Variants in UBE3D observed in about 807,000 individuals in gnomAD.
The protein encoded by UBE3D is ubiquitin protein ligase E3D.
Under a neutral mutation model 49.6 loss-of-function variants are expected in UBE3D, and 48 were observed. The ratio of observed to expected loss-of-function variants is 0.97; its 90% CI spans 0.77 to 1.23. The LOEUF is 1.23. UBE3D is among the 50% of genes most tolerant of loss of function. The pLI, the probability that UBE3D is intolerant of heterozygous loss-of-function variation, is 0.00. For synonymous variants in UBE3D, 189 were observed against 174.2 expected, an observed-to-expected ratio of 1.08 and a Z score of -0.67; for missense variants, 452 against 468.4, an observed-to-expected ratio of 0.96 and a Z score of 0.32.
At chr6:83,019,255 A>T in intron 7 of UBE3D, 119 bp from the exon 8 acceptor site, 2 of 956,546 alleles carry the variant, frequency 2.1e-6, no homozygotes, top group Non-Finnish European at 1.4e-6. Context: ...TATGAGAATC[A>T]TGTACATAAT....
intron 9 of UBE3D, 124 bp downstream of exon 9, chr6:82,957,188 T>G: frequency 1.0e-6 from 1 of 991,144 alleles, no homozygotes; most frequent in South Asian, 1.7e-5. Context: ...ATACATGCAT[T>G]ATGCTTGTTA....
In UBE3D at chr6:83,044,417, T is replaced by A; in HGVS notation, c.597+11A>T. On this transcript the variant is annotated intron_variant, in intron 4 of 9. Transcript: ENST00000369747. ...CTCTAAATTACCATTTATTTTGAAA[T>A]GATATTTTACCAATTTACAATGGTT... 1 of 1,611,122 alleles carries A rather than the reference T, an allele frequency of 6.2e-7. No homozygotes were observed. The highest frequency in any genetic ancestry group is 8.5e-7 in the Non-Finnish European group (1 of 1,177,586).
intron 5 of UBE3D, chr6:83,032,284 C>A: frequency 2.2e-6 from 1 of 455,122 alleles, no homozygotes; most frequent in South Asian, 1.6e-5. Context: ...GCCATGGGAG[C>A]CCACCTCTTG....
chr6:83,027,617 C>T (rs1189009442), intron 5 of UBE3D, among the ~76,000 whole-genome samples: 1 of 152,088 alleles, frequency 6.6e-6, no homozygotes, highest in Admixed American at 6.5e-5. Context: ...GTTCTACCGT[C>T]TTCAGACTTC....
At chr6:83,058,103 ATC>A (rs1783932904) in intron 1 of UBE3D, 81 bp from the exon 2 acceptor site, 2 of 1,398,584 alleles carry the variant, frequency 1.4e-6, no homozygotes, top group African/African-American at 2.9e-5. Context: ...ATGGCCAAGG[ATC>A]TCTTTCTTCC....
At chr6:82,905,090 C>T (rs1772003197) in intron 9 of UBE3D, among the ~76,000 whole-genome samples, 2 of 152,216 alleles carry the variant, frequency 1.3e-5, no homozygotes, top group Admixed American at 6.5e-5. Context: ...AATGATTAAG[C>T]CATGGACCTT....
intron 9 of UBE3D, among the ~76,000 whole-genome samples, chr6:82,953,900 G>A (rs960482405): frequency 6.6e-6 from 1 of 152,196 alleles, no homozygotes; most frequent in Non-Finnish European, 1.5e-5. Context: ...TACCTGAACT[G>A]AGACCTGAAC....
At chr6:83,058,425 C>T (rs1046757010) in intron 1 of UBE3D, among the ~76,000 whole-genome samples, 46 of 152,092 alleles carry the variant, frequency 3.0e-4, no homozygotes, top group East Asian at 5.8e-4. Flanking sequence ...ATGAAGAAAA[C>T]GATACAGTGA....
chr6:83,025,718 A>G (rs554729699), intron 5 of UBE3D, among the ~76,000 whole-genome samples: 47 of 151,896 alleles, frequency 3.1e-4, no homozygotes, highest in Non-Finnish European at 4.9e-4. Context: ...CCCTGTCTCT[A>G]CTAAAAATAC....
chr6:82,950,476 T>C (rs1775713420), intron 9 of UBE3D, among the ~76,000 whole-genome samples: 1 of 151,996 alleles, frequency 6.6e-6, no homozygotes, highest in African/African-American at 2.4e-5. Flanking sequence ...AAACAAAAAA[T>C]AGAATTACCA....
At chr6:82,985,316 T>A (rs1053278490) in intron 8 of UBE3D, among the ~76,000 whole-genome samples, 2 of 152,108 alleles carry the variant, frequency 1.3e-5, no homozygotes, top group Admixed American at 6.6e-5. Flanking sequence ...GGAGAATTCA[T>A]CCATATTTTC....
chr6:83,036,930 C>A (rs1782304700), intron 5 of UBE3D: 1 of 151,992 alleles, frequency 6.6e-6, no homozygotes, highest in Non-Finnish European at 1.5e-5. Flanking sequence ...ACGACATAAC[C>A]TCATTTTTGG....
chr6:82,982,805 T>C (rs1778203459), intron 8 of UBE3D, among the ~76,000 whole-genome samples: 1 of 152,162 alleles, frequency 6.6e-6, no homozygotes, highest in African/African-American at 2.4e-5. Context: ...TTCTACGCTG[T>C]TTTCATTTGT....
intron 8 of UBE3D, among the ~76,000 whole-genome samples, chr6:82,990,517 A>T (rs544332667): frequency 1.2e-4 from 18 of 152,226 alleles, no homozygotes; most frequent in African/African-American, 4.3e-4. Flanking sequence ...ACCTCAGGTG[A>T]TCTACCCACT....
intron 9 of UBE3D, among the ~76,000 whole-genome samples, chr6:82,923,524 A>C (rs1400273183): frequency 6.6e-6 from 1 of 152,106 alleles, no homozygotes; most frequent in Non-Finnish European, 1.5e-5. Flanking sequence ...ACACATGGAC[A>C]CAGAGAGGGG....
chr6:83,015,177 G>A (rs543072702), intron 8 of UBE3D, among the ~76,000 whole-genome samples: 3 of 152,198 alleles, frequency 2.0e-5, no homozygotes, highest in Admixed American at 6.5e-5. Flanking sequence ...GGGCAATTAC[G>A]GGGCTCTTCA....
intron 8 of UBE3D, among the ~76,000 whole-genome samples, chr6:83,013,095 C>A (rs977385339): frequency 4.6e-5 from 7 of 152,130 alleles, no homozygotes; most frequent in African/African-American, 1.4e-4. Context: ...GCCTTCAGGA[C>A]CTGCTCGAGC....
intron 9 of UBE3D, among the ~76,000 whole-genome samples, chr6:82,941,091 A>G (rs1047371742): frequency 6.6e-6 from 1 of 152,040 alleles, no homozygotes; most frequent in Non-Finnish European, 1.5e-5. Flanking sequence ...CTGTAATCTC[A>G]GCTACTTAGG....
chr6:82,944,359 C>T (rs1374657240), intron 9 of UBE3D, among the ~76,000 whole-genome samples: 1 of 152,134 alleles, frequency 6.6e-6, no homozygotes, highest in East Asian at 1.9e-4. Context: ...ATATCCTGGA[C>T]CAGAAGGGAA....
Sources: allele counts gnomAD v4.1 joint callset (sites outside exome capture counted in the v4.1 genomes callset), GRCh38; gene constraint gnomAD v4.1.1; transcripts MANE v1.5; gene names NCBI Gene and HGNC (gene_info 2026-07-23, HGNC 2026-07-21).